Variants in GRB14 observed in about 807,000 individuals in gnomAD.
The protein encoded by GRB14 is growth factor receptor bound protein 14.
In GRB14, 38 loss-of-function variants were observed where a neutral mutation model predicts 69.1. That is an observed-to-expected ratio of 0.55 (90% CI 0.42 to 0.72). The LOEUF is 0.72. Ranked by LOEUF, GRB14 falls within the 30% of genes least tolerant of loss-of-function variation. GRB14 has a pLI of 0.00. For synonymous variants in GRB14, 247 were observed against 241.3 expected, an observed-to-expected ratio of 1.02 and a Z score of -0.22; for missense variants, 666 against 666.1, an observed-to-expected ratio of 1.00 and a Z score of 0.00.
chr2:164,591,580 G>T (rs946911434), intron 2 of GRB14, among the ~76,000 whole-genome samples: 1 of 152,160 alleles, frequency 6.6e-6, no homozygotes, highest in African/African-American at 2.4e-5. Context: ...GGTCTAGGGA[G>T]ACCTGATCTT....
intron 13 of GRB14, among the ~76,000 whole-genome samples, chr2:164,494,106 A>C (rs1686830592): frequency 6.6e-6 from 1 of 152,230 alleles, no homozygotes. Context: ...AATGTTTTCT[A>C]AAGAGCCGTT....
chr2:164,571,690 T>G (rs750977351), intron 2 of GRB14, among the ~76,000 whole-genome samples: 1 of 152,182 alleles, frequency 6.6e-6, no homozygotes, highest in Non-Finnish European at 1.5e-5. Context: ...TATAAGGTAC[T>G]AGCTATTGAA....
At chr2:164,529,172 T>C (rs1687857211) in intron 3 of GRB14, among the ~76,000 whole-genome samples, 1 of 152,166 alleles carries the variant, frequency 6.6e-6, no homozygotes. Context: ...GAACAAATGC[T>C]GTATGATTCC....
intron 2 of GRB14, among the ~76,000 whole-genome samples, chr2:164,576,810 TA>T (rs1201287047): frequency 2.2e-5 from 3 of 133,742 alleles, no homozygotes; most frequent in Non-Finnish European, 5.0e-5. Context: ...AATATAAAAG[TA>T]GAAATTAAAA....
intron 3 of GRB14, among the ~76,000 whole-genome samples, chr2:164,533,279 G>C (rs191675039): frequency 2.4e-5 from 3 of 127,542 alleles, no homozygotes; most frequent in South Asian, 2.6e-4. Context: ...GTCGCCCATG[G>C]TGGAGTGCAG....
intron 3 of GRB14, among the ~76,000 whole-genome samples, chr2:164,540,535 G>C (rs1392826169): frequency 1.3e-5 from 2 of 152,088 alleles, no homozygotes; most frequent in African/African-American, 4.8e-5. Flanking sequence ...CTTGAACCTG[G>C]GGGGTGGAGG....
chr2:164,493,175 T>A lies in GRB14; in HGVS notation c.1484A>T (p.Asp495Val), dbSNP rs1021189831. 10 of 1,612,058 alleles carry A rather than the reference T, an allele frequency of 6.2e-6. No individual in the cohort carries two copies. Among genetic ancestry groups the A allele is most frequent in the Non-Finnish European group, 8.5e-6 (10 of 1,179,090 alleles). Residue 495 changes from aspartate to valine, a missense_variant, in exon 14 of 14, where the codon GAT (aspartate) becomes GTT (valine). Coordinates refer to ENST00000263915, the MANE Select transcript of GRB14 (RefSeq NM_004490.3). ...CAGTGTGTGGAACATTTCACCGTCATCTTCTACCTGCAAAAAGAAAAGCAA... is the reference window on the plus strand; with the variant it reads ...CAGTGTGTGGAACATTTCACCGTCAACTTCTACCTGCAAAAAGAAAAGCAA... ...IKHFQIIPVEDDGEMFHTLDD... is the reference protein window; with the variant it reads ...IKHFQIIPVEVDGEMFHTLDD...
chr2:164,618,692 C>T (rs1690368348), intron 2 of GRB14, among the ~76,000 whole-genome samples: 1 of 152,140 alleles, frequency 6.6e-6, no homozygotes, highest in African/African-American at 2.4e-5. Flanking sequence ...ATCAATAATT[C>T]ATCTGCTTCC....
At chr2:164,613,839 A>G (rs931775820) in intron 2 of GRB14, among the ~76,000 whole-genome samples, 1 of 152,208 alleles carries the variant, frequency 6.6e-6, no homozygotes, top group African/African-American at 2.4e-5. Context: ...GGCCATTTGT[A>G]ACATACTCAC....
chr2:164,550,695 G>A (rs888370198), intron 2 of GRB14, among the ~76,000 whole-genome samples: 1 of 151,956 alleles, frequency 6.6e-6, no homozygotes, highest in Non-Finnish European at 1.5e-5. Flanking sequence ...AAAGCATTAT[G>A]TGTCATTCTA....
intron 2 of GRB14, among the ~76,000 whole-genome samples, chr2:164,565,951 T>A (rs1281479777): frequency 6.6e-6 from 1 of 152,196 alleles, no homozygotes; most frequent in Non-Finnish European, 1.5e-5. Flanking sequence ...TCAGACACAC[T>A]ACCTGATAAG....
intron 2 of GRB14, among the ~76,000 whole-genome samples, chr2:164,581,765 A>G (rs1689411887): frequency 6.6e-6 from 1 of 152,210 alleles, no homozygotes; most frequent in Admixed American, 6.5e-5. Context: ...TAGAAGTTCT[A>G]TATTATGATC....
intron 2 of GRB14, among the ~76,000 whole-genome samples, chr2:164,602,566 A>AT (rs1482940400): frequency 6.6e-6 from 1 of 152,244 alleles, no homozygotes; most frequent in African/African-American, 2.4e-5. Context: ...GCTCACTATC[A>AT]TTGAAAATGC....
In GRB14 at chr2:164,527,119, G is replaced by A. The variant is rs775622281; in HGVS notation, c.498C>T (p.Asp166=). Reference sequence around the variant, plus strand: ...ATAGCACTTCAATCACCAGTTCGTGGTCTTCTATTGTTCTTTCTGTAAAGA... The same window carrying A: ...ATAGCACTTCAATCACCAGTTCGTGATCTTCTATTGTTCTTTCTGTAAAGA... ...PHIGVERTIE[D]HELVIEVLSN... Residue 166 remains aspartate, a synonymous_variant, in exon 4 of 14, where the codon GAC becomes GAT. Coordinates refer to ENST00000263915, the MANE Select transcript of GRB14 (RefSeq NM_004490.3). The A allele has an allele frequency of 1.3e-6, 2 of 1,557,724 alleles. No individual in the cohort carries two copies. The highest frequency in any genetic ancestry group is 1.1e-5 in the South Asian group (1 of 88,246).
chr2:164,517,884 G>T (rs950321097), intron 6 of GRB14, among the ~76,000 whole-genome samples: 1 of 152,018 alleles, frequency 6.6e-6, no homozygotes, highest in African/African-American at 2.4e-5. Flanking sequence ...TCTACTAGAC[G>T]TAAAGAAATG....
intron 2 of GRB14, 51 bp downstream of exon 2, chr2:164,619,636 T>C (rs1238021237): frequency 1.6e-6 from 2 of 1,273,720 alleles, no homozygotes; most frequent in Non-Finnish European, 2.2e-6. Flanking sequence ...AAAGACTGTA[T>C]GGATTCAGAA....
intron 9 of GRB14, among the ~76,000 whole-genome samples, chr2:164,497,833 T>C (rs1461513964): frequency 1.3e-5 from 2 of 152,148 alleles, no homozygotes; most frequent in Non-Finnish European, 2.9e-5. Flanking sequence ...AAAACTTCCA[T>C]TTAGAAAGGA....
At chr2:164,504,895 C>A (rs2105262888) in intron 8 of GRB14, among the ~76,000 whole-genome samples, 1 of 152,280 alleles carries the variant, frequency 6.6e-6, no homozygotes, top group South Asian at 2.1e-4. Flanking sequence ...GCAGAAGAGG[C>A]AGTACCAGGG....
At position 164,550,491 on chromosome 2, in the gene GRB14, A is replaced by G. The variant is rs139926885; in HGVS notation, c.325-2675T>C. Reference sequence around the variant, plus strand: ...TCCTATCTTTTAAAAATTATACTTAATGACAGTGCAATGAAATAGTTGCTC... The same window carrying G: ...TCCTATCTTTTAAAAATTATACTTAGTGACAGTGCAATGAAATAGTTGCTC... On this transcript the variant is annotated intron_variant, in intron 2 of 13. Coordinates refer to ENST00000263915, the MANE Select transcript of GRB14 (RefSeq NM_004490.3). 4.3e-3 allele frequency among the ~76,000 whole-genome samples: 652 copies of G among 152,340 alleles called. 2 individuals carry two copies. Among genetic ancestry groups the G allele is most frequent in the Admixed American group, 9.3e-3 (143 of 15,296 alleles).
Sources: gnomAD v4.1 joint callset for allele counts (sites outside exome capture counted in the v4.1 genomes callset) on GRCh38, gnomAD v4.1.1 for gene constraint, MANE v1.5 for transcripts, NCBI Gene and HGNC (gene_info 2026-07-23, HGNC 2026-07-21) for gene names.